The following MGAM variants were observed in gnomAD, a reference collection of about 807,000 sequenced individuals.
MGAM encodes the protein maltase-glucoamylase.
A neutral mutation model predicts 358.8 loss-of-function variants in MGAM; 253 were observed. That is an observed-to-expected ratio of 0.71 (90% CI 0.64 to 0.78). The LOEUF is 0.78. Among genes scored for constraint, MGAM ranks in the 30% least tolerant of loss-of-function variants. The pLI is 0.00. For synonymous variants in MGAM, 1,105 were observed against 1,227.1 expected, an observed-to-expected ratio of 0.90 and a Z score of 2.08; for missense variants, 3,080 against 3,432.6, an observed-to-expected ratio of 0.90 and a Z score of 2.57.
chr7:142,102,118 G>T (rs998084783), intron 68 of MGAM, among the ~76,000 whole-genome samples: 2 of 152,104 alleles, frequency 1.3e-5, no homozygotes, highest in Admixed American at 6.5e-5. Context: ...GACAAAGAAG[G>T]CTTTTCTTTG....
intron 44 of MGAM, among the ~76,000 whole-genome samples, chr7:142,071,923 T>C (rs1813377146): frequency 6.8e-6 from 1 of 146,408 alleles, no homozygotes; most frequent in South Asian, 2.2e-4. Flanking sequence ...TATTTGTCTT[T>C]AATAGACTAG....
At chr7:142,077,898 G>T (rs191555798) in intron 47 of MGAM, among the ~76,000 whole-genome samples, 1 of 145,630 alleles carries the variant, frequency 6.9e-6, no homozygotes, top group African/African-American at 2.4e-5. Context: ...CACGCCAATG[G>T]GGGATGCTGG....
intron 57 of MGAM, among the ~76,000 whole-genome samples, chr7:142,088,920 T>C (rs971517721): frequency 7.0e-6 from 1 of 143,678 alleles, no homozygotes; most frequent in African/African-American, 2.5e-5. Context: ...TCCAAATCCC[T>C]CTTCTGTCTA....
intron 19 of MGAM, among the ~76,000 whole-genome samples, chr7:142,038,845 T>C (rs1406197081): frequency 1.3e-5 from 2 of 152,218 alleles, no homozygotes; most frequent in South Asian, 2.1e-4. Context: ...AAGCATCTAC[T>C]GGAAACTCTA....
In MGAM at chr7:142,044,893, A is replaced by G. The variant is rs547731285; in HGVS notation, c.2499-2892A>G. Among the ~76,000 whole-genome samples, 5 of 74,038 alleles carry G rather than the reference A, an allele frequency of 6.8e-5. 1 individual carries two copies. In the South Asian group the frequency reaches 2.0e-3, roughly 29 times the overall value. 48.6% of individuals were successfully genotyped at this position (74,038 alleles called of 152,430 possible). A position where few individuals can be genotyped will look rare whatever the true frequency, so the allele number is the denominator to read the frequency against. ...ATAATGTATATTACATACACGTGTA[A>G]TATATGATATATAATGTATATTATA... On this transcript the variant is annotated intron_variant, in intron 21 of 70. Transcript: ENST00000475668.
At chr7:142,043,126 TA>T (rs1563150265) in intron 21 of MGAM, among the ~76,000 whole-genome samples, 312 of 26,514 alleles carry the variant, frequency 0.012, no homozygotes, top group East Asian at 0.081. Flanking sequence ...ATATAATATA[TA>T]TATTATATAT....
At chr7:142,060,523 T>C (rs1474645201) in intron 34 of MGAM, 150 bp downstream of exon 34, 23 of 893,486 alleles carry the variant, frequency 2.6e-5, no homozygotes, top group Admixed American at 7.4e-5. Context: ...TCTGTATGCC[T>C]ATTACTTTAT....
At chr7:141,998,622 T>C (rs917811129) in intron 1 of MGAM, among the ~76,000 whole-genome samples, 1 of 152,242 alleles carries the variant, frequency 6.6e-6, no homozygotes, top group African/African-American at 2.4e-5. Context: ...TTTCATGGTG[T>C]ATATGTGCCA....
At chr7:142,060,499 G>A in intron 34 of MGAM, 126 bp downstream of exon 34, 1 of 1,102,786 alleles carries the variant, frequency 9.1e-7, no homozygotes, top group Middle Eastern at 2.0e-4. Flanking sequence ...TAGGTGATGT[G>A]TCTTGGGTGT....
At chr7:142,031,890 G>A in intron 13 of MGAM, 97 bp downstream of exon 13, 1 of 763,774 alleles carries the variant, frequency 1.3e-6, no homozygotes, top group Non-Finnish European at 2.2e-6. Flanking sequence ...GAGAGGAGGA[G>A]GAGAAGAAAG....
In MGAM at chr7:142,043,530, A is replaced by G. The variant is rs1263713345; in HGVS notation, c.2498+2684A>G. On this transcript the variant is annotated intron_variant, in intron 21 of 70. Transcript: ENST00000475668. ...TATACATATAATATCTAAATATAAT[A>G]TGAATTATATAGATATATCTAAATA... Among the ~76,000 whole-genome samples the G allele has an allele frequency of 8.5e-5, 9 of 105,804 alleles. 2 individuals are homozygous for G. The highest frequency in any genetic ancestry group is 3.5e-4 in the African/African-American group (9 of 25,768). 69.4% of individuals were successfully genotyped at this position (105,804 alleles called of 152,430 possible).
chr7:142,063,668 C>G, intron 36 of MGAM, 82 bp downstream of exon 36: 1 of 1,467,446 alleles, frequency 6.8e-7, no homozygotes, highest in Non-Finnish European at 9.4e-7. Context: ...GGGGCAGCCC[C>G]ACAGCTGAGG....
chr7:142,008,831 T>G (rs1805378231), intron 3 of MGAM, 126 bp downstream of exon 3: 2 of 985,186 alleles, frequency 2.0e-6, no homozygotes, highest in Admixed American at 5.4e-5. Context: ...TTGCAGCCAT[T>G]AGTGGCTCAG....
rs748265150 is a variant in MGAM at position 142,059,548 on chromosome 7, C to T, written c.3896C>T (p.Pro1299Leu). 2 of 1,613,080 alleles carry T rather than the reference C, an allele frequency of 1.2e-6. No individual in the cohort carries two copies. Among genetic ancestry groups the T allele is most frequent in the Non-Finnish European group, 1.7e-6 (2 of 1,179,168 alleles). ...CTCAGCCCCAAGTTTGCTGGGTTTC[C>T]AGCTCTGATCAATCGCATGAAGGCT... ...FTLSPKFAGFPALINRMKADG... is the reference protein window; with the variant it reads ...FTLSPKFAGFLALINRMKADG... Residue 1299 changes from proline (P) to leucine (L), a missense_variant, in exon 32 of 71, where the codon CCA becomes CTA. Pro to Leu is a moderately conservative substitution (Grantham distance 98, BLOSUM62 -3). This residue lies in a region of MGAM where 1,816 missense variants were observed against 1,840.5 expected (regional missense o/e 0.99). Transcript: ENST00000475668.
Position 142,008,626 on chromosome 7 carries a change from C to A in MGAM, c.248C>A (p.Thr83Asn), listed in dbSNP as rs1220828400. ...TGPPDPGTTG[T>N]TPVSAECPVV... ...CCCCCAGATCCTGGAACAACTGGTA[C>A]CACTCCTGTTTCTGCTGAATGTCCA... The change falls in exon 3 of 71, where the codon ACC becomes AAC. Residue 83 changes from threonine (T) to asparagine (N), a missense_variant. Physicochemically the swap from Thr to Asn is moderately conservative, Grantham distance 65. Transcript: ENST00000475668. The A allele has an allele frequency of 6.2e-7, 1 of 1,613,446 alleles. No individual in the cohort carries two copies. Among genetic ancestry groups the A allele is most frequent in the Non-Finnish European group, 8.5e-7 (1 of 1,179,686 alleles).
intron 24 of MGAM, 74 bp from the exon 25 acceptor site, chr7:142,052,220 G>GAA (rs369156723): frequency 1.3e-5 from 15 of 1,196,992 alleles, no homozygotes; most frequent in African/African-American, 7.9e-5. Flanking sequence ...TTTTTTTATC[G>GAA]AAAAAAAAAC....
At position 142,086,312 on chromosome 7, in the gene MGAM, A is replaced by T. The variant is rs1814753392; in HGVS notation, c.6731A>T (p.Asp2244Val). ...TTCATCAAGTACCCAAATGATGGAGACATTGTCTGGGGAAAGGTATAATCC... is the reference window on the plus strand; with the variant it reads ...TTCATCAAGTACCCAAATGATGGAGTCATTGTCTGGGGAAAGGTATAATCC... ...DVFIKYPNDGDIVWGKVWPDF... is the reference protein window; with the variant it reads ...DVFIKYPNDGVIVWGKVWPDF... The change falls in exon 56 of 71, where the codon GAC becomes GTC. Residue 2244 changes from aspartate to valine, a missense_variant. This residue lies in a region of MGAM where 932 missense variants were observed against 1,198.2 expected (regional missense o/e 0.78). Coordinates refer to ENST00000475668, the MANE Select transcript of MGAM (RefSeq NM_001365693.1). The T allele has an allele frequency of 6.5e-7, 1 of 1,534,924 alleles. No homozygotes were observed. The highest frequency in any genetic ancestry group is 2.3e-5 in the East Asian group (1 of 43,210).
intron 4 of MGAM, among the ~76,000 whole-genome samples, chr7:142,020,667 T>G (rs944923890): frequency 6.7e-6 from 1 of 150,186 alleles, no homozygotes; most frequent in African/African-American, 2.5e-5. Context: ...TGGTGCGATC[T>G]CAGCTCACTG....
At position 142,030,464 on chromosome 7, in the gene MGAM, A is replaced by G. The variant is rs782196345; in HGVS notation, c.1324A>G (p.Asn442Asp). 19 of 1,613,584 alleles carry G rather than the reference A, an allele frequency of 1.2e-5. No individual in the cohort carries two copies. The highest frequency in any genetic ancestry group is 1.6e-5 in the Non-Finnish European group (19 of 1,179,754). Residue 442 changes from asparagine (N) to aspartate (D), a missense_variant, in exon 11 of 71, where the codon AAT (asparagine) becomes GAT (aspartate). This residue lies in a region of MGAM where 1,816 missense variants were observed against 1,840.5 expected (regional missense o/e 0.99). Coordinates refer to ENST00000475668, the MANE Select transcript of MGAM (RefSeq NM_001365693.1). ...GFPEFVNELH[N>D]NGQKLVIIVD... ...CCCTGAATTTGTCAACGAGTTACAC[A>G]ATAATGGACAGAAGCTTGTCATCAT...
Sources: gnomAD v4.1 joint callset for allele counts (sites outside exome capture counted in the v4.1 genomes callset) on GRCh38, gnomAD v4.1.1 for gene constraint, gnomAD v4.1.1 regional missense constraint, MANE v1.5 for transcripts, NCBI Gene and HGNC (gene_info 2026-07-23, HGNC 2026-07-21) for gene names.